Variants in OXCT1 observed in about 807,000 individuals in gnomAD.
OXCT1 encodes the protein 3-oxoacid CoA-transferase 1.
Under a neutral mutation model 69.6 loss-of-function variants are expected in OXCT1, and 27 were observed. The ratio of observed to expected loss-of-function variants is 0.39; its 90% CI spans 0.29 to 0.54. The LOEUF is 0.54. Ranked by LOEUF, OXCT1 falls within the 20% of genes least tolerant of loss-of-function variation. The probability of loss-of-function intolerance (pLI) is 0.72; values close to 1 mark genes in which losing one functional copy is unlikely to be tolerated. For synonymous variants in OXCT1, 202 were observed against 217.8 expected (o/e 0.93, Z 0.64); for missense variants, 437 against 650.2 (o/e 0.67, Z 3.57).
At chr5:41,756,283 A>G (rs1409424734) in intron 14 of OXCT1, among the ~76,000 whole-genome samples, 1 of 152,088 alleles carries the variant, frequency 6.6e-6, no homozygotes, top group East Asian at 1.9e-4. Context: ...TCTGAAAGTT[A>G]TACTTAGGAA....
intron 13 of OXCT1, among the ~76,000 whole-genome samples, 160 bp downstream of exon 13, chr5:41,793,843 A>C (rs539873648): frequency 1.4e-4 from 22 of 152,276 alleles, no homozygotes; most frequent in African/African-American, 5.3e-4. Context: ...AAAGCTGAAT[A>C]CTTCTCAGTG....
At chr5:41,848,957 T>TTC (rs1472048984) in intron 5 of OXCT1, among the ~76,000 whole-genome samples, 2 of 152,118 alleles carry the variant, frequency 1.3e-5, no homozygotes, top group Non-Finnish European at 2.9e-5. Context: ...ACTAAAGAGC[T>TTC]TCTGCACAGC....
At chr5:41,805,820 A>T (rs1746652803) in intron 8 of OXCT1, 139 bp from the exon 9 acceptor site, 1 of 674,536 alleles carries the variant, frequency 1.5e-6, no homozygotes, top group East Asian at 2.7e-5. Context: ...CCAGATATTT[A>T]AAAAATACTA....
chr5:41,868,009 T>C lies in OXCT1; in HGVS notation c.78+2272A>G, dbSNP rs1050090960. ...AGCAGCATCAACATCACCTGGAACT[T>C]ATCAATGCAAAGTTTAGGGCCCCAC... On this transcript the variant is annotated intron_variant, in intron 1 of 16. Transcript: ENST00000196371. Among the ~76,000 whole-genome samples the C allele has an allele frequency of 3.9e-5, 6 of 152,184 alleles. No homozygotes were observed. In the East Asian group the frequency reaches 1.2e-3, roughly 29 times the overall value.
chr5:41,781,720 C>T (rs1745410423), intron 13 of OXCT1, among the ~76,000 whole-genome samples: 1 of 152,148 alleles, frequency 6.6e-6, no homozygotes, highest in Non-Finnish European at 1.5e-5. Context: ...GTTTTCTGTT[C>T]CTGCGTTAGT....
chr5:41,778,821 C>G (rs1193733467), intron 13 of OXCT1, among the ~76,000 whole-genome samples: 1 of 152,198 alleles, frequency 6.6e-6, no homozygotes, highest in Non-Finnish European at 1.5e-5. Flanking sequence ...AGCTTTGACA[C>G]AAAGTTCTTA....
At position 41,807,557 on chromosome 5, in the gene OXCT1, G is replaced by A. The variant is rs113379795; in HGVS notation, c.733-119C>T. On this transcript the variant is annotated intron_variant, in intron 7 of 16. Transcript: ENST00000196371. ...AGGCTGCAAACATATGACGGAATAT[G>A]GACATATATCTATGTATGTATATGT... 3.8e-3 allele frequency: 2,622 copies of A among 685,332 alleles called. 28 individuals are homozygous for A. Among genetic ancestry groups the A allele is most frequent in the African/African-American group, 0.03 (1,703 of 56,486 alleles). 42.5% of individuals were successfully genotyped at this position (685,332 alleles called of 1,614,324 possible).
At chr5:41,856,619 G>A (rs957171192) in intron 3 of OXCT1, among the ~76,000 whole-genome samples, 2 of 152,240 alleles carry the variant, frequency 1.3e-5, no homozygotes, top group South Asian at 4.1e-4. Context: ...CTAGGTAACA[G>A]GTAACTGTCA....
chr5:41,853,752 A>C, intron 3 of OXCT1, 198 bp from the exon 4 acceptor site: 3 of 683,758 alleles, frequency 4.4e-6, no homozygotes, highest in Non-Finnish European at 7.8e-6. Flanking sequence ...AGGAAACTAA[A>C]AGTCAAGAAG....
intron 13 of OXCT1, among the ~76,000 whole-genome samples, chr5:41,777,293 G>A (rs1383140600): frequency 6.6e-6 from 1 of 152,212 alleles, no homozygotes; most frequent in Non-Finnish European, 1.5e-5. Context: ...GCATATGCCT[G>A]TAATGCCAGC....
At chr5:41,780,619 A>C (rs895060301) in intron 13 of OXCT1, among the ~76,000 whole-genome samples, 3 of 150,664 alleles carry the variant, frequency 2.0e-5, no homozygotes, top group African/African-American at 7.3e-5. Flanking sequence ...ATAGCTGATA[A>C]GAAAATTTAG....
intron 7 of OXCT1, among the ~76,000 whole-genome samples, chr5:41,831,273 C>A (rs996940493): frequency 1.2e-4 from 19 of 152,188 alleles, no homozygotes; most frequent in African/African-American, 2.7e-4. Flanking sequence ...CAGGCCTCTG[C>A]ACGCACTACT....
chr5:41,803,300 C>T, intron 9 of OXCT1, 137 bp from the exon 10 acceptor site: 2 of 624,108 alleles, frequency 3.2e-6, no homozygotes, highest in South Asian at 4.0e-5. Flanking sequence ...ATATATTCTC[C>T]AATCACCCAT....
intron 13 of OXCT1, among the ~76,000 whole-genome samples, chr5:41,764,549 T>C (rs1184235243): frequency 6.6e-6 from 1 of 152,142 alleles, no homozygotes; most frequent in Non-Finnish European, 1.5e-5. Context: ...CTACACTTCC[T>C]TCCTCTAAAA....
intron 7 of OXCT1, among the ~76,000 whole-genome samples, chr5:41,815,480 CT>C (rs1014684066): frequency 4.6e-5 from 7 of 152,090 alleles, no homozygotes; most frequent in Admixed American, 2.0e-4. Context: ...TGCCCAGCTG[CT>C]AACATTTTTT....
At chr5:41,797,738 A>G (rs1275020103) in intron 11 of OXCT1, among the ~76,000 whole-genome samples, 1 of 152,190 alleles carries the variant, frequency 6.6e-6, no homozygotes, top group African/African-American at 2.4e-5. Context: ...TGGTTTGCAA[A>G]CTTTAACATT....
intron 16 of OXCT1, among the ~76,000 whole-genome samples, chr5:41,738,100 A>G (rs1742980944): frequency 6.6e-6 from 1 of 152,246 alleles, no homozygotes; most frequent in South Asian, 2.1e-4. Flanking sequence ...CAAAGCATGT[A>G]GTACACAAGA....
At chr5:41,739,539 A>T (rs1345892865) in intron 15 of OXCT1, 48 bp from the exon 16 acceptor site, 1 of 1,342,702 alleles carries the variant, frequency 7.4e-7, no homozygotes, top group Non-Finnish European at 1.1e-6. Context: ...CATCAAAATA[A>T]TTATTATATG....
chr5:41,763,513 T>C (rs370817318), intron 13 of OXCT1, among the ~76,000 whole-genome samples: 1 of 152,264 alleles, frequency 6.6e-6, no homozygotes, highest in East Asian at 1.9e-4. Context: ...TAGAGAACAT[T>C]GATATCGTAC....
Sources: allele counts gnomAD v4.1 joint callset (sites outside exome capture counted in the v4.1 genomes callset), GRCh38; gene constraint gnomAD v4.1.1; transcripts MANE v1.5; gene names NCBI Gene and HGNC (gene_info 2026-07-23, HGNC 2026-07-21).